ANKFN1: variants seen among roughly 807,000 people sequenced by gnomAD.
ANKFN1 encodes ankyrin repeat and fibronectin type-III domain-containing protein 1.
A neutral mutation model predicts 108.7 loss-of-function variants in ANKFN1; 74 were observed. The observed-to-expected ratio is 0.68, with a 90% confidence interval of 0.56 to 0.83. The LOEUF (loss-of-function observed/expected upper bound fraction) is 0.83, where lower values mean the gene tolerates loss of function less well. ANKFN1 is among the 40% of genes least tolerant of loss of function. The probability of loss-of-function intolerance (pLI) is 0.00; values close to 1 mark genes in which losing one functional copy is unlikely to be tolerated. For missense variants in ANKFN1, 1,505 were observed against 1,382.3 expected (o/e 1.09, Z -1.41); for synonymous variants, 547 against 516.2 (o/e 1.06, Z -0.81).
intron 3 of ANKFN1, among the ~76,000 whole-genome samples, chr17:56,255,409 T>C (rs1427656158): frequency 1.3e-5 from 2 of 151,964 alleles, no homozygotes; most frequent in Middle Eastern, 3.2e-3. Flanking sequence ...ACCACAGAGG[T>C]TTGCCCCCAC....
chr17:56,447,927 G>T (rs1264314255), intron 10 of ANKFN1, among the ~76,000 whole-genome samples: 9 of 152,156 alleles, frequency 5.9e-5, no homozygotes, highest in Non-Finnish European at 1.2e-4. Context: ...AGAACCTATG[G>T]TCCTCCTAAC....
At chr17:56,483,075 G>C (rs991347566) in intron 18 of ANKFN1, among the ~76,000 whole-genome samples, 27 of 152,296 alleles carry the variant, frequency 1.8e-4, no homozygotes, top group South Asian at 2.1e-4. Context: ...ATTTCTGACA[G>C]ACCATTTGAG....
intron 3 of ANKFN1, among the ~76,000 whole-genome samples, chr17:56,306,764 T>C (rs2044840137): frequency 6.6e-6 from 1 of 152,242 alleles, no homozygotes; most frequent in Admixed American, 6.5e-5. Context: ...GAGCCCACAT[T>C]GCCAAGTCAA....
At chr17:56,217,917 C>T (rs781726264) in intron 2 of ANKFN1, among the ~76,000 whole-genome samples, 1 of 152,090 alleles carries the variant, frequency 6.6e-6, no homozygotes, top group Non-Finnish European at 1.5e-5. Context: ...GATTTACTTG[C>T]TAGGATCTCA....
chr17:56,268,117 A>T (rs2144161236), intron 3 of ANKFN1, among the ~76,000 whole-genome samples: 1 of 152,260 alleles, frequency 6.6e-6, no homozygotes, highest in East Asian at 1.9e-4. Flanking sequence ...CCACCCAATA[A>T]CAAAATATAC....
At chr17:56,187,933 G>A (rs1014602268) in intron 1 of ANKFN1, among the ~76,000 whole-genome samples, 5 of 152,156 alleles carry the variant, frequency 3.3e-5, no homozygotes, top group Middle Eastern at 3.4e-3. Context: ...GGCCTGTCGT[G>A]GGGTAGGGGG....
intron 1 of ANKFN1, among the ~76,000 whole-genome samples, chr17:56,174,630 G>A (rs1396763990): frequency 6.6e-6 from 1 of 152,144 alleles, no homozygotes; most frequent in Non-Finnish European, 1.5e-5. Context: ...GAGCACAAGA[G>A]CTACAGCTCC....
chr17:56,490,293 A>G (rs1359127459), intron 18 of ANKFN1, among the ~76,000 whole-genome samples: 1 of 152,228 alleles, frequency 6.6e-6, no homozygotes, highest in East Asian at 1.9e-4. Flanking sequence ...GGGAGATGTC[A>G]GTGAAAACTT....
chr17:56,069,984 T>C (rs1273848690), intron 4 of ANKFN1, among the ~76,000 whole-genome samples: 1 of 152,206 alleles, frequency 6.6e-6, no homozygotes, highest in Non-Finnish European at 1.5e-5. Context: ...ATGGTGCTGA[T>C]GGGAGTATAG....
chr17:56,171,111 C>T (rs551565620), intron 1 of ANKFN1, among the ~76,000 whole-genome samples: 7 of 151,740 alleles, frequency 4.6e-5, no homozygotes, highest in South Asian at 2.1e-4. Context: ...AAGCAGGGAC[C>T]GGCACTGGCG....
intron 4 of ANKFN1, among the ~76,000 whole-genome samples, chr17:56,062,516 G>T (rs1304975006): frequency 1.3e-5 from 2 of 149,258 alleles, no homozygotes; most frequent in Middle Eastern, 3.3e-3. Flanking sequence ...GATCTTGGTT[G>T]GTTCAAAGTC....
At chr17:56,332,490 T>G in intron 4 of ANKFN1, among the ~76,000 whole-genome samples, 1 of 152,238 alleles carries the variant, frequency 6.6e-6, no homozygotes, top group Admixed American at 6.6e-5. Context: ...GGATTGAGGG[T>G]TTTTACATTT....
In ANKFN1 at chr17:56,048,721, C is replaced by T. The variant is rs377710041; in HGVS notation, c.288+2396C>T. ...AAGGTAGAAGATCTCTATCCTGTCC[C>T]AGGGCACCTGAAAATCATGAGCCAG... is the stretch of plus-strand genomic sequence containing the variant. On this transcript the variant is annotated intron_variant, in intron 4 of 12. Coordinates refer to the ANKFN1 transcript ENST00000635860. Among the ~76,000 whole-genome samples the T allele has an allele frequency of 4.0e-3, 606 of 152,284 alleles. 4 individuals are homozygous for T. Among genetic ancestry groups the T allele is most frequent in the African/African-American group, 0.014 (580 of 41,544 alleles).
intron 4 of ANKFN1, among the ~76,000 whole-genome samples, chr17:56,132,932 G>T (rs1470311900): frequency 1.3e-5 from 2 of 152,098 alleles, no homozygotes; most frequent in African/African-American, 4.8e-5. Flanking sequence ...ATTTTGGGGG[G>T]AAACAAACAT....
At chr17:56,070,401 TC>T (rs1905105336) in intron 4 of ANKFN1, among the ~76,000 whole-genome samples, 1 of 152,156 alleles carries the variant, frequency 6.6e-6, no homozygotes, top group Non-Finnish European at 1.5e-5. Context: ...CCTATGTGTC[TC>T]CCCTGTGCCT....
intron 4 of ANKFN1, among the ~76,000 whole-genome samples, chr17:56,061,227 A>C (rs1904968554): frequency 7.9e-6 from 1 of 126,870 alleles, no homozygotes; most frequent in African/African-American, 3.0e-5. Context: ...GCATAGAGGT[A>C]TGTATAGCAT....
chr17:56,464,707 G>A (rs775150380), intron 14 of ANKFN1, among the ~76,000 whole-genome samples: 16 of 152,080 alleles, frequency 1.1e-4, no homozygotes, highest in Non-Finnish European at 1.9e-4. Flanking sequence ...GAGCTTGAGG[G>A]TTTACAAAAT....
intron 3 of ANKFN1, among the ~76,000 whole-genome samples, chr17:56,276,789 A>G (rs758734871): frequency 6.6e-6 from 1 of 152,162 alleles, no homozygotes; most frequent in Non-Finnish European, 1.5e-5. Context: ...TTTCCCACAG[A>G]CAAATCATTC....
At chr17:56,057,256 A>C (rs1904896653) in intron 4 of ANKFN1, among the ~76,000 whole-genome samples, 1 of 152,172 alleles carries the variant, frequency 6.6e-6, no homozygotes. Context: ...TCAACCATGA[A>C]GAATGCAATC....
Sources: allele counts gnomAD v4.1 joint callset (sites outside exome capture counted in the v4.1 genomes callset), GRCh38; gene constraint gnomAD v4.1.1; transcripts MANE v1.5; gene names NCBI Gene and HGNC (gene_info 2026-07-23, HGNC 2026-07-21).